PTPRA: variants seen among roughly 807,000 people sequenced by gnomAD.
The protein encoded by PTPRA is receptor-type tyrosine-protein phosphatase alpha.
In PTPRA, 25 loss-of-function variants were observed where a neutral mutation model predicts 104.8. The observed-to-expected ratio is 0.24, with a 90% CI of 0.17 to 0.33. The LOEUF (loss-of-function observed/expected upper bound fraction) is 0.33, where lower values mean the gene tolerates loss of function less well. Among genes scored for constraint, PTPRA ranks in the 10% least tolerant of loss-of-function variants. The pLI is 1.00. For missense variants in PTPRA, 765 were observed against 1,015.3 expected (o/e 0.75, Z 3.35); for synonymous variants, 323 against 368.9 (o/e 0.88, Z 1.43).
At chr20:2,901,395 A>C (rs909924033) in intron 1 of PTPRA, among the ~76,000 whole-genome samples, 1 of 152,112 alleles carries the variant, frequency 6.6e-6, no homozygotes, top group Non-Finnish European at 1.5e-5. Flanking sequence ...GGATATGTAC[A>C]ATAATGTATT....
intron 18 of PTPRA, 104 bp downstream of exon 18, chr20:3,026,884 A>T: frequency 9.1e-7 from 1 of 1,103,762 alleles, no homozygotes; most frequent in East Asian, 2.5e-5. Context: ...TATAGACAAG[A>T]ATCATGGCAT....
At chr20:3,008,474 G>T (rs902005986) in intron 11 of PTPRA, among the ~76,000 whole-genome samples, 23 of 152,160 alleles carry the variant, frequency 1.5e-4, no homozygotes, top group Admixed American at 1.3e-4. Context: ...GTTGCTGGGG[G>T]AGGGAGGAAT....
intron 3 of PTPRA, among the ~76,000 whole-genome samples, chr20:2,953,411 G>T (rs182638538): frequency 6.6e-5 from 10 of 150,712 alleles, no homozygotes; most frequent in Non-Finnish European, 1.5e-4. Context: ...GCGTTACCAC[G>T]CCTGGCTAAT....
chr20:2,864,910 G>A, the PTPRA span: 1 of 1,602,160 alleles, frequency 6.2e-7, no homozygotes, highest in Non-Finnish European at 8.5e-7. The surrounding 1 kb of genome is among the most constrained non-coding windows in gnomAD (Gnocchi z 5.2). Context: ...GGAGAAGACT[G>A]TAGCCTGGGT....
chr20:2,864,243 A>C, the PTPRA span: 1 of 1,614,078 alleles, frequency 6.2e-7, no homozygotes, highest in African/African-American at 1.3e-5. This position sits in a 1 kb window ranked among gnomAD's most constrained non-coding sequence, Gnocchi z 5.2. Context: ...AAGAGGAGCA[A>C]ACTGGCACTA....
intron 7 of PTPRA, among the ~76,000 whole-genome samples, chr20:2,987,449 T>G (rs1600217285): frequency 6.6e-6 from 1 of 152,096 alleles, no homozygotes; most frequent in East Asian, 1.9e-4. Context: ...CTCTTCCTGC[T>G]AAAGCTACTG....
At position 2,989,766 on chromosome 20, in the gene PTPRA, C is replaced by T. The variant is rs536505222; in HGVS notation, c.738+1292C>T. ...GGCACGGTGGCTCACGCCTGTAATCCCAGCACTTTGGGAGGCCAAGGCGGG... is the reference window on the plus strand; with the variant it reads ...GGCACGGTGGCTCACGCCTGTAATCTCAGCACTTTGGGAGGCCAAGGCGGG... On this transcript the variant is annotated intron_variant, in intron 9 of 23. Coordinates refer to ENST00000399903, the MANE Select transcript of PTPRA (RefSeq NM_001385305.1). 5.3e-5 allele frequency among the ~76,000 whole-genome samples: 8 copies of T among 152,218 alleles called. No homozygotes were observed. In the East Asian group the frequency reaches 5.8e-4, roughly 11 times the overall value.
chr20:2,878,629 CT>C (rs985182400), intron 1 of PTPRA, among the ~76,000 whole-genome samples: 1 of 152,166 alleles, frequency 6.6e-6, no homozygotes, highest in Non-Finnish European at 1.5e-5. Context: ...TCCTTGGACT[CT>C]TACTCCCAAC....
At chr20:2,929,708 C>T (rs956884583) in intron 2 of PTPRA, among the ~76,000 whole-genome samples, 2 of 151,908 alleles carry the variant, frequency 1.3e-5, no homozygotes, top group Non-Finnish European at 2.9e-5. Context: ...GCCCGTGGTC[C>T]CAGCTATTCC....
upstream of PTPRA, among the ~76,000 whole-genome samples, chr20:2,868,518 T>C (rs1340179071): frequency 1.3e-5 from 2 of 151,284 alleles, no homozygotes; most frequent in African/African-American, 4.9e-5. Flanking sequence ...GTGGCTAGGT[T>C]TTGGAATCAC....
chr20:2,917,818 A>G (rs1600109674), intron 1 of PTPRA, among the ~76,000 whole-genome samples: 1 of 151,930 alleles, frequency 6.6e-6, no homozygotes, highest in African/African-American at 2.4e-5. Context: ...AAAAAGTAAG[A>G]CTTTAGGGCG....
intron 2 of PTPRA, among the ~76,000 whole-genome samples, chr20:2,933,460 T>C (rs1475422007): frequency 6.6e-6 from 1 of 151,450 alleles, no homozygotes; most frequent in African/African-American, 2.4e-5. Flanking sequence ...GGTTGGTTGG[T>C]TGGTTGGGTT....
At chr20:3,025,868 CAAAAAAA>C (rs560575967) in intron 17 of PTPRA, among the ~76,000 whole-genome samples, 1 of 67,962 alleles carries the variant, frequency 1.5e-5, no homozygotes, top group African/African-American at 4.6e-5. Flanking sequence ...GACTCTGTCT[CAAAAAAA>C]AAAAAAAAAA....
At chr20:2,955,622 G>T in intron 3 of PTPRA, 1 of 985,196 alleles carries the variant, frequency 1.0e-6, no homozygotes, top group Non-Finnish European at 1.2e-6. Context: ...TTCTTCAGAA[G>T]CTTGCCAGTT....
intron 11 of PTPRA, 29 bp downstream of exon 11, chr20:3,007,449 T>A (rs781129869): frequency 6.3e-7 from 1 of 1,592,046 alleles, no homozygotes; most frequent in East Asian, 2.2e-5. Context: ...CCCTGTCACT[T>A]CCCTGCCTGA....
chr20:2,896,049 C>T (rs748943524), intron 1 of PTPRA, among the ~76,000 whole-genome samples: 6 of 151,750 alleles, frequency 4.0e-5, no homozygotes, highest in African/African-American at 7.3e-5. Context: ...CTTTTTGTAA[C>T]GGATTTATAG....
Position 2,961,095 on chromosome 20 carries a change from G to T in PTPRA, c.-6-3177G>T, listed in dbSNP as rs141103610. On this transcript the variant is annotated intron_variant, in intron 3 of 23. Transcript: ENST00000399903. ...AAATAAAGTTGCTGTAAACATCCAT[G>T]TGCAGGTTTTTTTTAAGTGGCATAA... 2.8e-3 allele frequency among the ~76,000 whole-genome samples: 430 copies of T among 152,236 alleles called. 3 individuals carry two copies. Among genetic ancestry groups the T allele is most frequent in the African/African-American group, 9.8e-3 (406 of 41,532 alleles).
In PTPRA at chr20:2,988,402, C is replaced by T. The variant is rs1429171081; in HGVS notation, c.666C>T (p.Pro222=). 21 of 1,612,996 alleles carry T rather than the reference C, an allele frequency of 1.3e-5. No homozygotes were observed. In the Middle Eastern group the frequency reaches 8.2e-4, roughly 63 times the overall value. ...CCAACAGGAAATACCCACCCCTGCC[C>T]GTGGACAAGCTGGAAGAGGAAATTA... ...PSTNRKYPPL[P]VDKLEEEINR... is the part of the protein sequence containing the mutation. Residue 222 remains proline (P), a synonymous_variant, in exon 9 of 24, where the codon CCC becomes CCT. Transcript: ENST00000399903.
chr20:2,883,297 T>C (rs997549945), intron 1 of PTPRA, among the ~76,000 whole-genome samples: 1 of 152,168 alleles, frequency 6.6e-6, no homozygotes, highest in Non-Finnish European at 1.5e-5. Context: ...TCTTAATCTG[T>C]CTCTTCAAGT....
Sources: gnomAD v4.1 joint callset for allele counts (sites outside exome capture counted in the v4.1 genomes callset) on GRCh38, gnomAD v4.1.1 for gene constraint, Gnocchi (gnomAD v3.1) non-coding constraint, MANE v1.5 for transcripts, NCBI Gene and HGNC (gene_info 2026-07-23, HGNC 2026-07-21) for gene names.